SHC3: variants seen among roughly 807,000 people sequenced by gnomAD.
SHC3 encodes SHC-transforming protein 3.
SHC3 carries 15 observed loss-of-function variants against 60.4 expected under a neutral mutation model. The observed-to-expected ratio is 0.25, with a 90% CI of 0.17 to 0.38. The LOEUF is 0.38. Ranked by LOEUF, SHC3 falls within the 10% of genes least tolerant of loss-of-function variation. The pLI is 1.00. For missense variants in SHC3, 677 were observed against 786.1 expected (o/e 0.86, Z 1.66); for synonymous variants, 294 against 325.9 (o/e 0.90, Z 1.05).
At chr9:89,168,752 A>T (rs1035782121) in intron 1 of SHC3, among the ~76,000 whole-genome samples, 12 of 152,152 alleles carry the variant, frequency 7.9e-5, no homozygotes, top group African/African-American at 2.2e-4. Context: ...TTCCTTTTTG[A>T]TAAAATTAAC....
At chr9:89,047,247 A>T (rs1421283454) in intron 7 of SHC3, among the ~76,000 whole-genome samples, 1 of 152,248 alleles carries the variant, frequency 6.6e-6, no homozygotes, top group Non-Finnish European at 1.5e-5. Flanking sequence ...CATTTTAATT[A>T]AAAAAGAAAT....
chr9:89,087,914 T>G (rs939828961), intron 2 of SHC3, among the ~76,000 whole-genome samples: 1 of 152,126 alleles, frequency 6.6e-6, no homozygotes, highest in Admixed American at 6.5e-5. Flanking sequence ...ACATGACAGA[T>G]AGTAGGCCCT....
At chr9:89,115,704 T>C (rs1826010318) in intron 1 of SHC3, among the ~76,000 whole-genome samples, 1 of 152,176 alleles carries the variant, frequency 6.6e-6, no homozygotes, top group South Asian at 2.1e-4. Context: ...ACCACCAGCA[T>C]TGCAGAGTCA....
chr9:89,044,049 G>A (rs757392378), intron 9 of SHC3, among the ~76,000 whole-genome samples: 18 of 152,120 alleles, frequency 1.2e-4, no homozygotes, highest in Admixed American at 9.2e-4. Flanking sequence ...ATCTGTTCTC[G>A]ATCTGGCTGG....
intron 7 of SHC3, 72 bp downstream of exon 7, chr9:89,051,965 G>T (rs1009642321): frequency 6.3e-7 from 1 of 1,586,044 alleles, no homozygotes; most frequent in Non-Finnish European, 8.6e-7. Context: ...CACAGCTCAG[G>T]GATGTGGTTT....
intron 5 of SHC3, among the ~76,000 whole-genome samples, chr9:89,070,456 A>T (rs1472237394): frequency 1.3e-5 from 2 of 152,088 alleles, no homozygotes; most frequent in African/African-American, 4.8e-5. Flanking sequence ...TGAGCAGCCA[A>T]TTTGTGTGTG....
At chr9:89,065,496 A>G in intron 6 of SHC3, 33 bp downstream of exon 6, 2 of 1,612,628 alleles carry the variant, frequency 1.2e-6, no homozygotes, top group Non-Finnish European at 1.7e-6. Flanking sequence ...GCTGTACACA[A>G]ACAAGAGATT....
chr9:89,051,410 C>T (rs1031928886), intron 7 of SHC3, among the ~76,000 whole-genome samples: 10 of 152,084 alleles, frequency 6.6e-5, no homozygotes, highest in African/African-American at 2.2e-4. Context: ...ATAAACTAAA[C>T]ATCTCCCAAT....
intron 1 of SHC3, among the ~76,000 whole-genome samples, chr9:89,154,193 T>G (rs1296279735): frequency 6.6e-6 from 1 of 151,264 alleles, no homozygotes; most frequent in Admixed American, 6.6e-5. Flanking sequence ...GATTTTTTTG[T>G]GTGTGATTTT....
chr9:89,177,939 C>T, intron 1 of SHC3, 48 bp downstream of exon 1: 1 of 1,182,930 alleles, frequency 8.5e-7, no homozygotes, highest in Non-Finnish European at 1.0e-6. Context: ...CTGCCCCGAA[C>T]TGGCCCCAGA....
At chr9:89,156,039 G>A (rs1243597717) in intron 1 of SHC3, among the ~76,000 whole-genome samples, 2 of 152,080 alleles carry the variant, frequency 1.3e-5, no homozygotes, top group Non-Finnish European at 2.9e-5. Flanking sequence ...TGCCCTTATA[G>A]AGTGCCCTCC....
intron 1 of SHC3, among the ~76,000 whole-genome samples, chr9:89,173,053 C>T (rs941063163): frequency 7.2e-5 from 11 of 152,230 alleles, no homozygotes; most frequent in African/African-American, 2.7e-4. Flanking sequence ...ATTTCTGCCT[C>T]GGCCAGGCCT....
At chr9:89,119,520 A>G (rs183919343) in intron 1 of SHC3, among the ~76,000 whole-genome samples, 42 of 152,312 alleles carry the variant, frequency 2.8e-4, no homozygotes, top group Admixed American at 6.5e-4. Flanking sequence ...ATATGGGGAA[A>G]TATCTTGTTT....
At chr9:89,025,983 C>T (rs1164871337) in intron 11 of SHC3, among the ~76,000 whole-genome samples, 2 of 152,182 alleles carry the variant, frequency 1.3e-5, no homozygotes, top group Non-Finnish European at 2.9e-5. Context: ...GTGGCTCACG[C>T]CTGTAATCCC....
chr9:89,031,940 C>A (rs1167781319), intron 11 of SHC3, among the ~76,000 whole-genome samples: 15 of 152,128 alleles, frequency 9.9e-5, no homozygotes, highest in Admixed American at 9.8e-4. Flanking sequence ...TGATGTGAGT[C>A]CCCTCCACAG....
intron 11 of SHC3, among the ~76,000 whole-genome samples, chr9:89,023,885 C>T (rs1207783719): frequency 6.6e-6 from 1 of 152,188 alleles, no homozygotes; most frequent in Non-Finnish European, 1.5e-5. Context: ...AACTCTAGCC[C>T]CTGAAGGGCT....
intron 8 of SHC3, among the ~76,000 whole-genome samples, chr9:89,046,454 C>T (rs1240839247): frequency 6.6e-6 from 1 of 152,114 alleles, no homozygotes; most frequent in Non-Finnish European, 1.5e-5. Flanking sequence ...AAATAGAAAA[C>T]TCATAAAATT....
chr9:89,013,172 C>A lies in SHC3; in HGVS notation c.*275G>T. 3.9e-6 allele frequency: 1 copy of A among 259,206 alleles called. No homozygotes were observed. The allele number at this position is 259,206 out of a possible 1,614,324, so 16.1% of individuals were successfully genotyped here. The stretch of plus-strand genomic sequence containing the variant: ...TTTTTTTTTCATTAAAAACATACAG[C>A]ACAGAACATTAGTCTTACATCTTTC... On this transcript the variant is annotated 3_prime_UTR_variant, in exon 12 of 12. Transcript: ENST00000375835.
intron 11 of SHC3, among the ~76,000 whole-genome samples, chr9:89,027,535 C>T (rs1826338656): frequency 1.3e-5 from 2 of 152,066 alleles, no homozygotes; most frequent in Non-Finnish European, 2.9e-5. Context: ...CCAGGATGGT[C>T]ACAATCCCCT....
Sources: gnomAD v4.1 joint callset for allele counts (sites outside exome capture counted in the v4.1 genomes callset) on GRCh38, gnomAD v4.1.1 for gene constraint, MANE v1.5 for transcripts, NCBI Gene and HGNC (gene_info 2026-07-23, HGNC 2026-07-21) for gene names.